Variants in PSME4 observed in about 807,000 individuals in gnomAD.
PSME4 encodes proteasome activator complex subunit 4.
A neutral mutation model predicts 253.9 loss-of-function variants in PSME4; 89 were observed. The observed-to-expected ratio is 0.35, with a 90% CI of 0.30 to 0.42. PSME4 has a LOEUF of 0.42. Ranked by LOEUF, PSME4 falls within the 10% of genes least tolerant of loss-of-function variation. The pLI, the probability that PSME4 is intolerant of heterozygous loss-of-function variation, is 1.00. For missense variants in PSME4, 2,014 were observed against 2,195.2 expected, an observed-to-expected ratio of 0.92 and a Z score of 1.65; for synonymous variants, 851 against 759.2, an observed-to-expected ratio of 1.12 and a Z score of -1.99.
At chr2:53,930,795 A>G (rs1259815641) in intron 10 of PSME4, among the ~76,000 whole-genome samples, 2 of 152,156 alleles carry the variant, frequency 1.3e-5, no homozygotes, top group Non-Finnish European at 2.9e-5. Context: ...ACCACTAGGG[A>G]CCTTGGACAA....
chr2:53,908,688 A>T, intron 22 of PSME4, 96 bp downstream of exon 22: 1 of 1,447,522 alleles, frequency 6.9e-7, no homozygotes. Flanking sequence ...ACCATTTAGA[A>T]TAAAAAACAT....
intron 42 of PSME4, among the ~76,000 whole-genome samples, chr2:53,874,968 C>A (rs1216637294): frequency 6.6e-6 from 1 of 152,026 alleles, no homozygotes; most frequent in Non-Finnish European, 1.5e-5. Flanking sequence ...AAAACCCACA[C>A]AAAGGTAAAA....
Position 53,970,915 on chromosome 2 carries a change from G to A in PSME4, c.-131C>T, listed in dbSNP as rs1040849571. 5.5e-6 allele frequency: 4 copies of A among 722,066 alleles called. No individual in the cohort carries two copies. The highest frequency in any genetic ancestry group is 8.2e-6 in the Non-Finnish European group (4 of 484,894). The allele number at this position is 722,066 out of a possible 1,614,324, so 44.7% of individuals were successfully genotyped here. ...GCGGCCCGTCGCCCTCGGACCGATC[G>A]CTAGGCCCCCTTCCCTGGCCGGCGT... On this transcript the variant is annotated 5_prime_UTR_variant, in exon 1 of 47. Coordinates refer to ENST00000404125, the MANE Select transcript of PSME4 (RefSeq NM_014614.3).
At chr2:53,896,124 T>TTC (rs564924273) in intron 32 of PSME4, among the ~76,000 whole-genome samples, 1 of 152,048 alleles carries the variant, frequency 6.6e-6, no homozygotes, top group Non-Finnish European at 1.5e-5. Flanking sequence ...TACTTTGATA[T>TTC]TCTCTCTCTC....
intron 1 of PSME4, among the ~76,000 whole-genome samples, chr2:53,960,233 T>C (rs537832930): frequency 3.6e-4 from 54 of 151,766 alleles, no homozygotes; most frequent in African/African-American, 9.9e-4. Context: ...AACCCATCTC[T>C]ACTAAAAATA....
At chr2:53,958,883 G>A (rs1459338045) in intron 1 of PSME4, among the ~76,000 whole-genome samples, 3 of 149,796 alleles carry the variant, frequency 2.0e-5, no homozygotes, top group East Asian at 1.9e-4. Context: ...CAGTGTTGAC[G>A]GAAGATTGTT....
chr2:53,870,772 A>T (rs1417981404), intron 43 of PSME4: 2 of 152,084 alleles, frequency 1.3e-5, no homozygotes, highest in Non-Finnish European at 2.9e-5. Flanking sequence ...ATTACAGTAT[A>T]TATTTTCAAT....
intron 37 of PSME4, 28 bp from the exon 38 acceptor site, chr2:53,888,840 C>A (rs940530667): frequency 6.7e-7 from 1 of 1,482,618 alleles, no homozygotes; most frequent in African/African-American, 1.4e-5. Flanking sequence ...TGTAACAGTT[C>A]AACAGAGAAC....
At chr2:53,946,910 AAAGGAAGGAAGG>A (rs1184076301) in intron 3 of PSME4, among the ~76,000 whole-genome samples, 1 of 151,872 alleles carries the variant, frequency 6.6e-6, no homozygotes, top group South Asian at 2.1e-4. Context: ...CAACCCTGAA[AAAGGAAGGAAGG>A]AAGGAAGGAA....
chr2:53,887,752 A>G (rs1679707446), intron 39 of PSME4, 106 bp downstream of exon 39: 15 of 1,331,120 alleles, frequency 1.1e-5, no homozygotes, highest in Non-Finnish European at 1.4e-5. Flanking sequence ...GAAAGACACC[A>G]TGAAACCCAC....
At chr2:53,942,378 TA>T (rs200122257) in intron 3 of PSME4, among the ~76,000 whole-genome samples, 9 of 151,688 alleles carry the variant, frequency 5.9e-5, no homozygotes, top group Non-Finnish European at 5.9e-5. Flanking sequence ...TTTTTTTTTT[TA>T]AAATCAAAAG....
At chr2:53,968,997 A>C (rs553606181) in intron 1 of PSME4, among the ~76,000 whole-genome samples, 3 of 152,332 alleles carry the variant, frequency 2.0e-5, no homozygotes, top group South Asian at 2.1e-4. Flanking sequence ...TGCGTCCCCA[A>C]AAATGGTAGG....
At position 53,890,855 on chromosome 2, in the gene PSME4, T is replaced by G. The variant is rs796224988; in HGVS notation, c.4192-647A>C. ...TCAAGCTGGTCACATGGCGAAACCA[T>G]GTCTCTACAAAAAAAATAAAGATTA... On this transcript the variant is annotated intron_variant, in intron 36 of 46. Coordinates refer to ENST00000404125, the MANE Select transcript of PSME4 (RefSeq NM_014614.3). Among the ~76,000 whole-genome samples the G allele has an allele frequency of 3.9e-5, 6 of 152,184 alleles. 1 individual carries two copies. Among genetic ancestry groups the G allele is most frequent in the African/African-American group, 1.4e-4 (6 of 41,524 alleles).
At chr2:53,869,702 CAA>C (rs922037928) in intron 43 of PSME4, 164 bp from the exon 44 acceptor site, 4 of 471,238 alleles carry the variant, frequency 8.5e-6, no homozygotes, top group African/African-American at 7.8e-5. Flanking sequence ...AGCAGATTCT[CAA>C]AGAGTTTGTG....
intron 25 of PSME4, 31 bp downstream of exon 25, chr2:53,906,773 TAA>T: frequency 6.2e-7 from 1 of 1,604,180 alleles, no homozygotes. Context: ...ATTGACATTT[TAA>T]AAAGTCACTA....
chr2:53,869,593 G>A (rs571114849), intron 43 of PSME4, 55 bp from the exon 44 acceptor site: 1 of 1,356,198 alleles, frequency 7.4e-7, no homozygotes, highest in East Asian at 2.4e-5. Flanking sequence ...AGGGAATAAT[G>A]GAGGATAGGG....
intron 18 of PSME4, 106 bp downstream of exon 18, chr2:53,920,783 A>G: frequency 1.1e-6 from 1 of 923,604 alleles, no homozygotes; most frequent in Non-Finnish European, 1.7e-6. Context: ...TCAATAATCT[A>G]TCTTAAAAGT....
At chr2:53,868,974 T>C (rs184623085) in intron 44 of PSME4, among the ~76,000 whole-genome samples, 9 of 152,272 alleles carry the variant, frequency 5.9e-5, no homozygotes, top group Admixed American at 5.9e-4. Flanking sequence ...AAGGACCGAA[T>C]AATCCCCTCT....
intron 46 of PSME4, 54 bp from the exon 47 acceptor site, chr2:53,865,627 A>G (rs1294296800): frequency 6.5e-6 from 1 of 153,076 alleles, no homozygotes; most frequent in African/African-American, 2.4e-5. Flanking sequence ...CAACTCTAAA[A>G]GCCTAATAAA....
Sources: allele counts gnomAD v4.1 joint callset (sites outside exome capture counted in the v4.1 genomes callset), GRCh38; gene constraint gnomAD v4.1.1; transcripts MANE v1.5; gene names NCBI Gene and HGNC (gene_info 2026-07-23, HGNC 2026-07-21).